The following NEK4 variants were observed in gnomAD, a reference collection of about 807,000 sequenced individuals.
NEK4 encodes the protein serine/threonine-protein kinase Nek4.
Under a neutral mutation model 98.4 loss-of-function variants are expected in NEK4, and 86 were observed. The ratio of observed to expected loss-of-function variants is 0.87; its 90% confidence interval spans 0.73 to 1.05. NEK4 has a LOEUF of 1.05. Ranked by LOEUF, NEK4 falls within the 50% of genes least tolerant of loss-of-function variation. The pLI is 0.00. For missense variants in NEK4, 898 were observed against 950.3 expected (o/e 0.94, Z 0.72); for synonymous variants, 328 against 342.2 (o/e 0.96, Z 0.46).
At chr3:52,741,040 C>T (rs1036958395) in intron 13 of NEK4, among the ~76,000 whole-genome samples, 1 of 151,694 alleles carries the variant, frequency 6.6e-6, no homozygotes, top group Non-Finnish European at 1.5e-5. Flanking sequence ...CGAGACCATC[C>T]TGGCTAACAC....
rs1698757169 is a variant in NEK4 at position 52,770,845 on chromosome 3, G to A, written c.-99C>T. On this transcript the variant is annotated 5_prime_UTR_variant, in exon 1 of 16. Coordinates refer to ENST00000233027, the MANE Select transcript of NEK4 (RefSeq NM_003157.6). ...GGTTCATGCCCGAGAGGGGGCAGTG[G>A]GGGCGGCTGTTGAGGCAGCCGGGCC... 2 of 1,102,094 alleles carry A rather than the reference G, an allele frequency of 1.8e-6. No individual in the cohort carries two copies. The highest frequency in any genetic ancestry group is 2.6e-5 in the East Asian group (1 of 38,440). 68.3% of individuals were successfully genotyped at this position (1,102,094 alleles called of 1,614,324 possible). A position where few individuals can be genotyped will look rare whatever the true frequency, so the allele number is the denominator to read the frequency against.
At position 52,763,413 on chromosome 3, in the gene NEK4, G is replaced by A. The variant is rs1484344900; in HGVS notation, c.821+57C>T. 7 of 1,477,930 alleles carry A rather than the reference G, an allele frequency of 4.7e-6. No individual in the cohort carries two copies. The South Asian group carries it at 6.4e-5, about 13-fold the overall frequency. 91.6% of individuals were successfully genotyped at this position (1,477,930 alleles called of 1,614,324 possible). A position where few individuals can be genotyped will look rare whatever the true frequency, so the allele number is the denominator to read the frequency against. On this transcript the variant is annotated intron_variant, in intron 5 of 15. Coordinates refer to ENST00000233027, the MANE Select transcript of NEK4 (RefSeq NM_003157.6). Reference sequence around the variant, plus strand: ...ATTCTTGCATATGAATATTACAGAAGCCACCCTCTTTCACCCCATCTATTT... The same window carrying A: ...ATTCTTGCATATGAATATTACAGAAACCACCCTCTTTCACCCCATCTATTT...
intron 7 of NEK4, 134 bp downstream of exon 7, chr3:52,751,798 C>T (rs2097405556): frequency 2.2e-6 from 2 of 892,604 alleles, no homozygotes; most frequent in Admixed American, 5.3e-5. Flanking sequence ...TGGTTTGATG[C>T]AAATATTCTT....
At chr3:52,764,584 T>C (rs1182516973) in intron 4 of NEK4, among the ~76,000 whole-genome samples, 6 of 151,570 alleles carry the variant, frequency 4.0e-5, no homozygotes, top group Non-Finnish European at 7.4e-5. Flanking sequence ...TGAGCTGAGA[T>C]TGCACCACTG....
At chr3:52,742,141 G>A (rs2097387480) in intron 12 of NEK4, among the ~76,000 whole-genome samples, 1 of 152,166 alleles carries the variant, frequency 6.6e-6, no homozygotes, top group Non-Finnish European at 1.5e-5. Flanking sequence ...GAGGACAGTG[G>A]ATGGCTAGTT....
At chr3:52,752,939 C>T (rs1291768490) in intron 6 of NEK4, among the ~76,000 whole-genome samples, 3 of 121,910 alleles carry the variant, frequency 2.5e-5, no homozygotes, top group Non-Finnish European at 5.1e-5. Context: ...TATATACACA[C>T]ACACACACAC....
rs71087016 is a variant in NEK4, at chr3:52,752,900, C to CAA, written c.964-566_964-565dup. ...GGGCAACAGGAGTGAAACCCTGCCT[C>CAA]AAAAAAAAAAAAAAAAAATATATAT... On this transcript the variant is annotated intron_variant, in intron 6 of 15. Transcript: ENST00000233027. Among the ~76,000 whole-genome samples the CAA allele has an allele frequency of 5.4e-4, 27 of 49,892 alleles. 2 individuals are homozygous for CAA. Among genetic ancestry groups the CAA allele is most frequent in the African/African-American group, 1.2e-3 (15 of 12,468 alleles). 32.7% of individuals were successfully genotyped at this position (49,892 alleles called of 152,430 possible). A position where few individuals can be genotyped will look rare whatever the true frequency, so the allele number is the denominator to read the frequency against.
chr3:52,770,912 C>T lies in NEK4; in HGVS notation c.-166G>A, dbSNP rs1246383839. The T allele has an allele frequency of 4.9e-6, 3 of 617,600 alleles. No homozygotes were observed. Among genetic ancestry groups the T allele is most frequent in the Non-Finnish European group, 8.5e-6 (3 of 353,014 alleles). 38.3% of individuals were successfully genotyped at this position (617,600 alleles called of 1,614,324 possible). On this transcript the variant is annotated 5_prime_UTR_variant, in exon 1 of 16. Coordinates refer to ENST00000233027, the MANE Select transcript of NEK4 (RefSeq NM_003157.6). ...GGCCCGGCCCGCGACGACGCCGCTG[C>T]CATAGCGATCCGGGCCGGGAGCAGT... is the stretch of plus-strand genomic sequence containing the variant.
chr3:52,746,150 T>A lies in NEK4; in HGVS notation c.1738A>T (p.Thr580Ser). ...SHPIVGKVDV[T>S]STQKEAENQR... is the part of the protein sequence containing the mutation. ...TTTTCAGCCTCTTTTTGTGTTGATGTGACATCCACTTTCCCAACAATGGGA... is the reference window on the plus strand; with the variant it reads ...TTTTCAGCCTCTTTTTGTGTTGATGAGACATCCACTTTCCCAACAATGGGA... The change falls in exon 10 of 16, where the codon ACA becomes TCA. Residue 580 changes from threonine to serine, a missense_variant. Coordinates refer to ENST00000233027, the MANE Select transcript of NEK4 (RefSeq NM_003157.6). 1 of 1,614,110 alleles carries A rather than the reference T, an allele frequency of 6.2e-7. No individual in the cohort carries two copies. The highest frequency in any genetic ancestry group is 1.1e-5 in the South Asian group (1 of 91,086).
intron 12 of NEK4, among the ~76,000 whole-genome samples, chr3:52,741,803 C>G (rs1001557197): frequency 6.6e-6 from 1 of 151,674 alleles, no homozygotes; most frequent in African/African-American, 2.4e-5. Context: ...TTTTTTGAGA[C>G]AGAGTCTTGC....
At position 52,712,572 on chromosome 3, in the gene NEK4, C is replaced by T. The variant is rs555700474; in HGVS notation, c.2434-703G>A. Among the ~76,000 whole-genome samples, 17 of 152,262 alleles carry T rather than the reference C, an allele frequency of 1.1e-4. No individual in the cohort carries two copies. In the East Asian group the frequency reaches 1.2e-3, roughly 10 times the overall value. ...TCCCAGGGTTCTTGCCTTGGTGTAC[C>T]GGAAGAATCAGATCACACGTGGGCT... On this transcript the variant is annotated intron_variant, in intron 15 of 15. Transcript: ENST00000233027.
In NEK4 at chr3:52,709,038, T is replaced by C. The variant is rs1036441284; in HGVS notation, c.*2739A>G. On this transcript the variant is annotated 3_prime_UTR_variant, in exon 16 of 16. Coordinates refer to ENST00000233027, the MANE Select transcript of NEK4 (RefSeq NM_003157.6). ...CCATCTCTACTAAAAATAACGAAAA[T>C]CAGCCAGGCATGGTGGTGTGTGCCT... 1.3e-5 allele frequency: 2 copies of C among 151,770 alleles called. No individual in the cohort carries two copies. Among genetic ancestry groups the C allele is most frequent in the African/African-American group, 4.9e-5 (2 of 41,236 alleles). 9.4% of individuals were successfully genotyped at this position (151,770 alleles called of 1,614,324 possible).
Position 52,745,246 on chromosome 3 carries a change from T to C in NEK4, c.1827+815A>G, listed in dbSNP as rs1191898465. Among the ~76,000 whole-genome samples the C allele has an allele frequency of 3.3e-5, 5 of 151,988 alleles. No homozygotes were observed. The South Asian group carries it at 8.3e-4, about 25-fold the overall frequency. ...CTTGGTTTCTTTAATTCACTGGAAG[T>C]GACCATCTCTGAAACCACAGAATCT... On this transcript the variant is annotated intron_variant, in intron 10 of 15. Transcript: ENST00000233027.
chr3:52,737,779 C>T, intron 14 of NEK4, 60 bp from the exon 15 acceptor site: 1 of 1,253,556 alleles, frequency 8.0e-7, no homozygotes, highest in South Asian at 1.7e-5. Flanking sequence ...ATAGCAAGAA[C>T]ACTGCAATTT....
intron 15 of NEK4, among the ~76,000 whole-genome samples, chr3:52,724,678 G>T (rs1033922268): frequency 1.3e-5 from 2 of 152,204 alleles, no homozygotes; most frequent in African/African-American, 4.8e-5. Context: ...TGGGGAGAAT[G>T]GGCAGGTGTT....
chr3:52,738,088 C>T lies in NEK4; in HGVS notation c.2300-369G>A, dbSNP rs745321392. On this transcript the variant is annotated intron_variant, in intron 14 of 15. Transcript: ENST00000233027. ...TCAGCCTCCCAAAGTGCTGGGATTACAGGCATGAGCCACTGCACCCGGCCT... is the reference window on the plus strand; with the variant it reads ...TCAGCCTCCCAAAGTGCTGGGATTATAGGCATGAGCCACTGCACCCGGCCT... 1.4e-4 allele frequency among the ~76,000 whole-genome samples: 21 copies of T among 152,214 alleles called. 1 individual carries two copies. In the East Asian group the frequency reaches 1.5e-3, roughly 11 times the overall value.
chr3:52,764,827 C>A (rs1698495618), intron 4 of NEK4, among the ~76,000 whole-genome samples: 1 of 150,210 alleles, frequency 6.7e-6, no homozygotes, highest in Non-Finnish European at 1.5e-5. Context: ...TGTATAAAGA[C>A]AGGAAAAAAC....
intron 6 of NEK4, among the ~76,000 whole-genome samples, chr3:52,757,514 T>C (rs1698157732): frequency 6.8e-6 from 1 of 147,740 alleles, no homozygotes; most frequent in Non-Finnish European, 1.5e-5. Context: ...GCCACGATTG[T>C]GCCACTGCGC....
intron 8 of NEK4, 83 bp from the exon 9 acceptor site, chr3:52,746,987 G>T (rs112018697): frequency 8.9e-6 from 10 of 1,126,786 alleles, no homozygotes; most frequent in South Asian, 1.6e-5. Flanking sequence ...ATAAAAAGTG[G>T]CTTTTGTTTT....
Sources: gnomAD v4.1 joint callset for allele counts (sites outside exome capture counted in the v4.1 genomes callset) on GRCh38, gnomAD v4.1.1 for gene constraint, MANE v1.5 for transcripts, NCBI Gene and HGNC (gene_info 2026-07-23, HGNC 2026-07-21) for gene names.